XPNPEP1: variants seen among roughly 807,000 people sequenced by gnomAD.
XPNPEP1 encodes the protein xaa-Pro aminopeptidase 1.
In XPNPEP1, 39 loss-of-function variants were observed where a neutral mutation model predicts 92.4. The ratio of observed to expected loss-of-function variants is 0.42; its 90% confidence interval spans 0.33 to 0.55. The LOEUF (loss-of-function observed/expected upper bound fraction) is 0.55, where lower values mean the gene tolerates loss of function less well. XPNPEP1 is among the 20% of genes least tolerant of loss of function. XPNPEP1 has a pLI of 0.08. For missense variants in XPNPEP1, 654 were observed against 856.1 expected (o/e 0.76, Z 2.95); for synonymous variants, 307 against 299.4 (o/e 1.03, Z -0.26).
chr10:109,892,977 G>A (rs1384181208), intron 4 of XPNPEP1, 35 bp downstream of exon 4: 8 of 1,606,728 alleles, frequency 5.0e-6, no homozygotes, highest in South Asian at 2.2e-5. Flanking sequence ...GGCGAACAAA[G>A]GTGCAGCAAG....
intron 11 of XPNPEP1, 74 bp from the exon 12 acceptor site, chr10:109,880,312 T>C (rs1848019151): frequency 1.0e-5 from 15 of 1,490,562 alleles, no homozygotes; most frequent in South Asian, 3.4e-5. Context: ...CTAGCCCTAA[T>C]GCAATACTGA....
intron 1 of XPNPEP1, 120 bp downstream of exon 1, chr10:109,923,282 A>C: frequency 8.2e-7 from 1 of 1,214,360 alleles, no homozygotes; most frequent in Non-Finnish European, 1.0e-6. Flanking sequence ...GGCCCTCGCC[A>C]GACTGCGGCG....
At chr10:109,871,962 A>G (rs1847509116) in intron 16 of XPNPEP1, 101 bp from the exon 17 acceptor site, 1 of 1,188,540 alleles carries the variant, frequency 8.4e-7, no homozygotes, top group Non-Finnish European at 1.2e-6. Flanking sequence ...AGTTTTTAGC[A>G]ATATCATAGA....
intron 20 of XPNPEP1, 68 bp from the exon 21 acceptor site, chr10:109,865,380 A>G: frequency 6.3e-7 from 1 of 1,598,986 alleles, no homozygotes. Context: ...ACACAGGTCA[A>G]CAGCAAAGGC....
chr10:109,874,881 A>C (rs1396900420), intron 15 of XPNPEP1, among the ~76,000 whole-genome samples: 1 of 152,190 alleles, frequency 6.6e-6, no homozygotes, highest in Non-Finnish European at 1.5e-5. Flanking sequence ...CCCAGGAGGC[A>C]GAGCTTGCAG....
chr10:109,918,831 AGGAGGAAGGAAGGAAGGAAGGAAGGAGG>A (rs1564798770), intron 1 of XPNPEP1, among the ~76,000 whole-genome samples: 3 of 125,564 alleles, frequency 2.4e-5, no homozygotes, highest in Non-Finnish European at 3.3e-5. Flanking sequence ...AAGAAAGGAA[AGGAGGAAGGAAGGAAGGAAGGAAGGAGG>A]GAAGGAAGGA....
chr10:109,871,373 C>T (rs1366299355), intron 17 of XPNPEP1, among the ~76,000 whole-genome samples: 1 of 152,148 alleles, frequency 6.6e-6, no homozygotes, highest in Non-Finnish European at 1.5e-5. Context: ...AGGCCTCAAG[C>T]AAAGTAGTAC....
intron 7 of XPNPEP1, among the ~76,000 whole-genome samples, chr10:109,886,703 A>C (rs962090672): frequency 6.6e-6 from 1 of 152,226 alleles, no homozygotes; most frequent in Non-Finnish European, 1.5e-5. Context: ...AAGGGAAGAC[A>C]GATAATTAAA....
At chr10:109,880,727 C>T in intron 11 of XPNPEP1, 115 bp downstream of exon 11, 2 of 967,432 alleles carry the variant, frequency 2.1e-6, no homozygotes, top group Non-Finnish European at 3.1e-6. Context: ...GGCCAGGAGG[C>T]TGAGGCTCAG....
intron 15 of XPNPEP1, among the ~76,000 whole-genome samples, chr10:109,874,543 C>G (rs1389941146): frequency 6.6e-6 from 1 of 152,232 alleles, no homozygotes; most frequent in African/African-American, 2.4e-5. Flanking sequence ...ATTATTAACA[C>G]CCCTGTGTCC....
At position 109,914,745 on chromosome 10, in the gene XPNPEP1, G is replaced by A. The variant is rs533948543; in HGVS notation, c.121+266C>T. ...CGGGAGACGGAGGTTGCAGTGAGCC[G>A]AGATCACGCCATTGCACTCCAGGCT... is the stretch of plus-strand genomic sequence containing the variant. On this transcript the variant is annotated intron_variant, in intron 2 of 20. Transcript: ENST00000502935. Among the ~76,000 whole-genome samples, 7 of 145,798 alleles carry A rather than the reference G, an allele frequency of 4.8e-5. No homozygotes were observed. In the East Asian group the frequency reaches 6.2e-4, roughly 13 times the overall value.
At chr10:109,902,715 G>A (rs542401375) in intron 3 of XPNPEP1, among the ~76,000 whole-genome samples, 38 of 152,380 alleles carry the variant, frequency 2.5e-4, no homozygotes, top group African/African-American at 8.2e-4. Context: ...TCTAAACAGT[G>A]ACTTCTGCAA....
rs1847190808 is a variant in XPNPEP1 at position 109,867,238 on chromosome 10, T to C, written c.1872+1376A>G. Among the ~76,000 whole-genome samples, 1 of 152,222 alleles carries C rather than the reference T, an allele frequency of 6.6e-6. No individual in the cohort carries two copies. Among genetic ancestry groups the C allele is most frequent in the Non-Finnish European group, 1.5e-5 (1 of 68,038 alleles). ...AGGGTGGGTCCCATGCCCACCTATG[T>C]GTTTTCATTTCCTCTCAGCTAAGGC... On this transcript the variant is annotated intron_variant, in intron 20 of 20. Coordinates refer to ENST00000502935, the MANE Select transcript of XPNPEP1 (RefSeq NM_020383.4). The surrounding 1 kb of genome is among the most constrained non-coding windows in gnomAD (Gnocchi z 4.5).
At chr10:109,904,382 AC>A (rs1849443416) in intron 3 of XPNPEP1, among the ~76,000 whole-genome samples, 2 of 151,636 alleles carry the variant, frequency 1.3e-5, no homozygotes, top group African/African-American at 4.9e-5. Context: ...CCCTTCATCC[AC>A]CTCTACATGC....
intron 1 of XPNPEP1, among the ~76,000 whole-genome samples, chr10:109,922,449 C>T (rs887260188): frequency 3.3e-5 from 5 of 152,250 alleles, no homozygotes; most frequent in African/African-American, 1.2e-4. Flanking sequence ...CTCCCACATA[C>T]TTCCACAGGG....
intron 2 of XPNPEP1, among the ~76,000 whole-genome samples, chr10:109,909,249 C>CA (rs1292446716): frequency 6.6e-6 from 1 of 150,490 alleles, no homozygotes; most frequent in Non-Finnish European, 1.5e-5. Flanking sequence ...CCAGCCTGGG[C>CA]AACAGAGTGA....
chr10:109,923,311 C>G, intron 1 of XPNPEP1, 91 bp downstream of exon 1: 1 of 1,287,904 alleles, frequency 7.8e-7, no homozygotes, highest in Non-Finnish European at 9.8e-7. Flanking sequence ...TCCTCACCCG[C>G]GCGTCCCTGC....
chr10:109,898,332 T>G (rs1446630552), intron 3 of XPNPEP1, among the ~76,000 whole-genome samples: 1 of 152,228 alleles, frequency 6.6e-6, no homozygotes. Context: ...GCACCGAGCT[T>G]GACTCTATAG....
Position 109,875,376 on chromosome 10 carries a change from T to TG in XPNPEP1, c.1391+151dup, listed in dbSNP as rs1311033569. On this transcript the variant is annotated intron_variant, in intron 15 of 20. Transcript: ENST00000502935. ...ACAACTGGGCTATTTCAAATAGGGG[T>TG]GAAAAAAATGACAAGACACAGGAAC... 3 of 584,786 alleles carry TG rather than the reference T, an allele frequency of 5.1e-6. No homozygotes were observed. The Admixed American group carries it at 9.1e-5, about 18-fold the overall frequency. The allele number at this position is 584,786 out of a possible 1,614,324, so 36.2% of individuals were successfully genotyped here. A position where few individuals can be genotyped will look rare whatever the true frequency, so the allele number is the denominator to read the frequency against.
Sources: gnomAD v4.1 joint callset for allele counts (sites outside exome capture counted in the v4.1 genomes callset) on GRCh38, gnomAD v4.1.1 for gene constraint, Gnocchi (gnomAD v3.1) non-coding constraint, MANE v1.5 for transcripts, NCBI Gene and HGNC (gene_info 2026-07-23, HGNC 2026-07-21) for gene names.